EPHA6: variants seen among roughly 807,000 people sequenced by gnomAD.
EPHA6 encodes EPH receptor A6.
In EPHA6, 50 loss-of-function variants were observed where a neutral mutation model predicts 112.0. That is an observed-to-expected ratio of 0.45 (90% CI 0.36 to 0.56). The LOEUF (loss-of-function observed/expected upper bound fraction) is 0.56. Ranked by LOEUF, EPHA6 falls within the 20% of genes least tolerant of loss-of-function variation. EPHA6 has a pLI of 0.00. For missense variants in EPHA6, 1,280 were observed against 1,417.4 expected, an observed-to-expected ratio of 0.90 and a Z score of 1.56; for synonymous variants, 529 against 490.7, an observed-to-expected ratio of 1.08 and a Z score of -1.03.
At chr3:97,732,564 CAT>C (rs1374959601) in intron 15 of EPHA6, among the ~76,000 whole-genome samples, 1 of 151,976 alleles carries the variant, frequency 6.6e-6, no homozygotes, top group Non-Finnish European at 1.5e-5. Context: ...CTGTTAGAAA[CAT>C]ATATCTTTTA....
At chr3:96,942,081 A>T (rs959547862) in intron 2 of EPHA6, among the ~76,000 whole-genome samples, 22 of 152,202 alleles carry the variant, frequency 1.4e-4, no homozygotes, top group African/African-American at 5.3e-4. Flanking sequence ...TTGAGGAGGC[A>T]GTCTGCCCAT....
chr3:97,492,516 T>C (rs2091869005), intron 10 of EPHA6, among the ~76,000 whole-genome samples: 1 of 113,644 alleles, frequency 8.8e-6, no homozygotes, highest in Admixed American at 1.3e-4. Context: ...CACTCCATCC[T>C]GGGTGACAGA....
chr3:97,599,047 G>T (rs1232388289), intron 12 of EPHA6, among the ~76,000 whole-genome samples: 7 of 151,974 alleles, frequency 4.6e-5, no homozygotes, highest in Non-Finnish European at 1.0e-4. Context: ...TGTGTTTTTT[G>T]GCTGCATAAA....
intron 3 of EPHA6, among the ~76,000 whole-genome samples, chr3:97,013,539 G>A (rs2044162861): frequency 6.6e-6 from 1 of 152,042 alleles, no homozygotes; most frequent in Admixed American, 6.6e-5. Flanking sequence ...AATTATCACA[G>A]TCTGTGTCAA....
At chr3:96,881,916 A>G (rs761552954) in intron 2 of EPHA6, among the ~76,000 whole-genome samples, 13 of 152,322 alleles carry the variant, frequency 8.5e-5, no homozygotes, top group South Asian at 6.2e-4. Flanking sequence ...CTTTGACTCC[A>G]TGTCTCACAT....
At chr3:97,269,364 T>G (rs2079805877) in intron 5 of EPHA6, among the ~76,000 whole-genome samples, 1 of 152,168 alleles carries the variant, frequency 6.6e-6, no homozygotes, top group African/African-American at 2.4e-5. Context: ...TGGATCAAAG[T>G]GTCCCTCCCC....
chr3:97,589,593 G>C (rs2107332831), intron 11 of EPHA6, among the ~76,000 whole-genome samples: 1 of 152,132 alleles, frequency 6.6e-6, no homozygotes, highest in East Asian at 1.9e-4. Flanking sequence ...CTAAATACTA[G>C]GAATGCCTTT....
chr3:96,818,310 G>A (rs1422596999), intron 1 of EPHA6, among the ~76,000 whole-genome samples: 1 of 151,970 alleles, frequency 6.6e-6, no homozygotes, highest in Non-Finnish European at 1.5e-5. Flanking sequence ...GCCTAAATGA[G>A]TTGATGCATA....
At chr3:97,207,419 C>G (rs1338941018) in intron 3 of EPHA6, among the ~76,000 whole-genome samples, 1 of 152,092 alleles carries the variant, frequency 6.6e-6, no homozygotes, top group Non-Finnish European at 1.5e-5. Context: ...CACTGCAAAA[C>G]AATCAAATAC....
At chr3:97,407,018 G>A (rs1208740473) in intron 6 of EPHA6, among the ~76,000 whole-genome samples, 2 of 151,882 alleles carry the variant, frequency 1.3e-5, no homozygotes, top group East Asian at 3.9e-4. Context: ...TTTTATAAGG[G>A]TTATATTTTA....
chr3:97,568,908 TAATAGGA>T (rs1307115667), intron 11 of EPHA6, among the ~76,000 whole-genome samples: 1 of 152,116 alleles, frequency 6.6e-6, no homozygotes, highest in Non-Finnish European at 1.5e-5. Flanking sequence ...TGGAAACTAT[TAATAGGA>T]AACATCAAGG....
chr3:97,718,753 C>G (rs1322991242), intron 14 of EPHA6, among the ~76,000 whole-genome samples: 1 of 152,074 alleles, frequency 6.6e-6, no homozygotes. Flanking sequence ...GCATGAAAAC[C>G]TCGGGCTTCA....
chr3:97,550,155 A>G (rs141804664), intron 11 of EPHA6, among the ~76,000 whole-genome samples: 2,082 of 152,324 alleles, frequency 0.014, 12 homozygotes, highest in Non-Finnish European at 0.022. Flanking sequence ...TGACAGGATA[A>G]CAGTCTTGCT....
chr3:96,943,060 CT>C (rs113878243), intron 2 of EPHA6, among the ~76,000 whole-genome samples: 4,257 of 152,230 alleles, frequency 0.028, 198 homozygotes, highest in African/African-American at 0.095. Context: ...AAGATCAACT[CT>C]TTTAGATGCC....
intron 3 of EPHA6, among the ~76,000 whole-genome samples, chr3:97,156,503 T>C (rs1054995991): frequency 9.9e-5 from 15 of 152,096 alleles, no homozygotes; most frequent in African/African-American, 3.6e-4. Flanking sequence ...GATTGGTCAG[T>C]AGATTGTTTA....
intron 7 of EPHA6, among the ~76,000 whole-genome samples, chr3:97,459,840 A>T (rs2090825960): frequency 6.6e-6 from 1 of 152,312 alleles, no homozygotes; most frequent in South Asian, 2.1e-4. Flanking sequence ...AAATTCTAAT[A>T]CATGCTTGCT....
chr3:97,286,648 C>T (rs1032717327), intron 5 of EPHA6, among the ~76,000 whole-genome samples: 3 of 147,714 alleles, frequency 2.0e-5, no homozygotes, highest in African/African-American at 7.4e-5. Flanking sequence ...CCATATACTA[C>T]ATTTTGAAGT....
chr3:97,295,240 A>G (rs2080833649), intron 5 of EPHA6, among the ~76,000 whole-genome samples: 2 of 152,116 alleles, frequency 1.3e-5, no homozygotes, highest in Admixed American at 1.3e-4. Flanking sequence ...ATCATGGTCC[A>G]TATGTCACAT....
chr3:97,024,331 T>A (rs946176994), intron 3 of EPHA6, among the ~76,000 whole-genome samples: 2 of 152,190 alleles, frequency 1.3e-5, no homozygotes, highest in African/African-American at 4.8e-5. Context: ...ATGATTAATA[T>A]GTCTTTATTG....
Sources: allele counts gnomAD v4.1 joint callset (sites outside exome capture counted in the v4.1 genomes callset), GRCh38; gene constraint gnomAD v4.1.1; transcripts MANE v1.5; gene names NCBI Gene and HGNC (gene_info 2026-07-23, HGNC 2026-07-21).